FAM156A: variants seen among roughly 807,000 people sequenced by gnomAD.
FAM156A encodes the protein protein FAM156A/FAM156B.
chrX:52,978,994 G>A (rs190693622), intron 1 of FAM156A, among the ~76,000 whole-genome samples: 26 of 112,123 alleles, frequency 2.3e-4, no homozygotes, highest in African/African-American at 8.4e-4. Flanking sequence ...TAGTCCAAGG[G>A]AACTTTGCTG....
At chrX:52,973,383 T>C (rs1929185958) in intron 1 of FAM156A, among the ~76,000 whole-genome samples, 1 of 110,036 alleles carries the variant, frequency 9.1e-6, no homozygotes, top group South Asian at 3.9e-4. Flanking sequence ...GAAGACACAC[T>C]ACATACAGAG....
At chrX:52,980,090 A>AT (rs1234645587) in intron 1 of FAM156A, among the ~76,000 whole-genome samples, 1 of 111,806 alleles carries the variant, frequency 8.9e-6, no homozygotes, top group Non-Finnish European at 1.9e-5. Context: ...AATAAACTGG[A>AT]TTTTTTTCCA....
chrX:52,975,152 T>C (rs1929365295), intron 1 of FAM156A, among the ~76,000 whole-genome samples: 1 of 109,044 alleles, frequency 9.2e-6, no homozygotes, highest in Admixed American at 9.8e-5. Context: ...CTGACCTGCA[T>C]TAGGAGGCTG....
At chrX:52,987,652 A>C (rs1930389085) in intron 1 of FAM156A, among the ~76,000 whole-genome samples, 1 of 110,561 alleles carries the variant, frequency 9.0e-6, no homozygotes, top group Non-Finnish European at 1.9e-5. Context: ...TGTCTCAAAA[A>C]AAAAAAAAAA....
chrX:52,974,482 G>GT (rs1457492191), intron 1 of FAM156A, among the ~76,000 whole-genome samples: 4 of 110,456 alleles, frequency 3.6e-5, no homozygotes, highest in African/African-American at 6.6e-5. Flanking sequence ...AACAAATTAA[G>GT]TTTTTTTTTG....
At chrX:52,985,335 A>G (rs782316639) in intron 1 of FAM156A, among the ~76,000 whole-genome samples, 9 of 112,114 alleles carry the variant, frequency 8.0e-5, no homozygotes, top group Non-Finnish European at 1.7e-4. Flanking sequence ...AAGGGAAATT[A>G]GAAAATATTT....
intron 1 of FAM156A, among the ~76,000 whole-genome samples, chrX:52,980,745 G>A (rs1929811747): frequency 9.8e-6 from 1 of 102,520 alleles, no homozygotes; most frequent in African/African-American, 3.6e-5. Flanking sequence ...GCCCTTTAAG[G>A]GTCCCAGATG....
chrX:52,981,233 C>T (rs1017403399), intron 1 of FAM156A, among the ~76,000 whole-genome samples: 10 of 111,135 alleles, frequency 9.0e-5, no homozygotes, highest in Admixed American at 6.7e-4. Flanking sequence ...TCCCAGTAAC[C>T]ATGAAGGTCT....
intron 1 of FAM156A, among the ~76,000 whole-genome samples, chrX:52,976,289 C>T (rs1189147525): frequency 3.6e-5 from 4 of 110,863 alleles, no homozygotes; most frequent in African/African-American, 1.3e-4. Context: ...ACTAAAAATA[C>T]AAAAATTAGC....
chrX:52,991,844 G>C (rs148785885), intron 1 of FAM156A, among the ~76,000 whole-genome samples: 10 of 107,495 alleles, frequency 9.3e-5, no homozygotes, highest in Non-Finnish European at 1.9e-4. Flanking sequence ...CCCTGTGCCC[G>C]GCACTGCTCT....
intron 1 of FAM156A, among the ~76,000 whole-genome samples, chrX:52,979,148 G>A (rs1186856811): frequency 8.9e-6 from 1 of 112,000 alleles, no homozygotes; most frequent in Non-Finnish European, 1.9e-5. Context: ...CAAGATGAGC[G>A]CAGTGTGAGA....
intron 1 of FAM156A, among the ~76,000 whole-genome samples, chrX:52,989,655 T>C (rs1930555661): frequency 8.9e-6 from 1 of 112,230 alleles, no homozygotes; most frequent in Non-Finnish European, 1.9e-5. Context: ...TTCTGAGGGA[T>C]CCTCCTGGTC....
intron 1 of FAM156A, among the ~76,000 whole-genome samples, chrX:52,973,509 TAAAC>T (rs1319773560): frequency 2.7e-5 from 3 of 109,945 alleles, no homozygotes; most frequent in Non-Finnish European, 3.8e-5. Flanking sequence ...CACAAACAGG[TAAAC>T]AAACAAAAAT....
At chrX:52,973,820 G>A (rs782756748) in intron 1 of FAM156A, among the ~76,000 whole-genome samples, 32 of 110,650 alleles carry the variant, frequency 2.9e-4, no homozygotes, top group African/African-American at 5.9e-4. Flanking sequence ...ACGCCGCCAC[G>A]CCTGGCTAAT....
At chrX:52,987,917 GA>G (rs1930409275) in intron 1 of FAM156A, among the ~76,000 whole-genome samples, 1 of 111,787 alleles carries the variant, frequency 8.9e-6, no homozygotes. Flanking sequence ...ATATTATTCA[GA>G]AAAAAAGAAG....
chrX:52,990,797 G>GAAAAGA (rs10547016), intron 1 of FAM156A, among the ~76,000 whole-genome samples: 6 of 69,599 alleles, frequency 8.6e-5, no homozygotes, highest in East Asian at 4.6e-4. Context: ...GAAAAGAAAA[G>GAAAAGA]AAAGAAAAGA....
intron 1 of FAM156A, among the ~76,000 whole-genome samples, chrX:52,972,392 AAAAC>A (rs1426957072): frequency 6.7e-5 from 1 of 14,948 alleles, no homozygotes; most frequent in Admixed American, 6.8e-4. Flanking sequence ...TTACAAGAAA[AAAAC>A]AAACAACCCC....
chrX:52,980,782 C>CTGTGTGTGTGTGTGTG (rs1156303085), intron 1 of FAM156A, among the ~76,000 whole-genome samples: 14 of 38,453 alleles, frequency 3.6e-4, no homozygotes, highest in East Asian at 1.0e-3. Flanking sequence ...TAGGGTTCCT[C>CTGTGTGTGTGTGTGTG]TGTGTGTGTG....
chrX:52,994,052 T>G (rs1930993659), intron 1 of FAM156A, among the ~76,000 whole-genome samples: 1 of 111,130 alleles, frequency 9.0e-6, no homozygotes. Context: ...AAATCATGTC[T>G]GCCAGCCTCC....
Sources: allele counts gnomAD v4.1 joint callset (sites outside exome capture counted in the v4.1 genomes callset), GRCh38; gene constraint gnomAD v4.1.1; transcripts MANE v1.5; gene names NCBI Gene and HGNC (gene_info 2026-07-23, HGNC 2026-07-21).